TIE1: variants seen among roughly 807,000 people sequenced by gnomAD.
TIE1 encodes tyrosine-protein kinase receptor Tie-1.
Under a neutral mutation model 130.5 loss-of-function variants are expected in TIE1, and 89 were observed. The observed-to-expected ratio is 0.68, with a 90% CI of 0.57 to 0.81. The LOEUF (loss-of-function observed/expected upper bound fraction) is 0.81. TIE1 is among the 40% of genes least tolerant of loss of function. The pLI is 0.00. For missense variants in TIE1, 1,392 were observed against 1,559.8 expected, an observed-to-expected ratio of 0.89 and a Z score of 1.81; for synonymous variants, 568 against 629.4, an observed-to-expected ratio of 0.90 and a Z score of 1.46.
chr1:43,305,447 C>T, intron 3 of TIE1, 104 bp downstream of exon 3: 2 of 1,083,792 alleles, frequency 1.8e-6, no homozygotes, highest in Non-Finnish European at 2.6e-6. Flanking sequence ...CTGACACACC[C>T]GACCTCCAGG....
intron 19 of TIE1, chr1:43,320,145 C>T (rs1646899448): frequency 6.3e-6 from 1 of 157,956 alleles, no homozygotes; most frequent in Non-Finnish European, 1.4e-5. Context: ...CCTTTGAACT[C>T]TCTCCCCTGG....
At chr1:43,310,335 A>G (rs1646776791) in intron 9 of TIE1, among the ~76,000 whole-genome samples, 1 of 152,028 alleles carries the variant, frequency 6.6e-6, no homozygotes, top group South Asian at 2.1e-4. Flanking sequence ...CTCTCTCCAC[A>G]AATTCCTTGC....
chr1:43,321,071 T>C (rs569819343), intron 19 of TIE1, among the ~76,000 whole-genome samples, 198 bp from the exon 20 acceptor site: 3 of 146,220 alleles, frequency 2.1e-5, no homozygotes, highest in African/African-American at 5.0e-5. Context: ...AAAAGAGCTC[T>C]AATTGTGCTG....
Position 43,309,059 on chromosome 1 carries a change from T to C in TIE1, c.1116T>C (p.Cys372=), listed in dbSNP as rs1299809499. 3 of 1,613,878 alleles carry C rather than the reference T, an allele frequency of 1.9e-6. No homozygotes were observed. The highest frequency in any genetic ancestry group is 2.7e-5 in the African/African-American group (2 of 74,886). ...FNLETMPRIN[C]AAAGNPFPVR... ...TAGAGACGATGCCCCGGATCAACTG[T>C]GCAGCTGCAGGGAACCCCTTCCCCG... is the stretch of plus-strand genomic sequence containing the variant. The change falls in exon 8 of 23, where the codon TGT becomes TGC. Residue 372 remains cysteine, a synonymous_variant. Transcript: ENST00000372476. The surrounding 1 kb of genome is among the most constrained non-coding windows in gnomAD (Gnocchi z 6.3).
chr1:43,305,181 G>C lies in TIE1; in HGVS notation c.373+16G>C. 6.2e-7 allele frequency: 1 copy of C among 1,613,914 alleles called. No individual in the cohort carries two copies. On this transcript the variant is annotated intron_variant, in intron 2 of 22. Transcript: ENST00000372476. ...AGCCCTGGAGGTGAGTTAGGCAGGC[G>C]GGGGGATGGCGCGGGGAAAACCAGG... is the stretch of plus-strand genomic sequence containing the variant.
chr1:43,310,501 G>A (rs1275871581), intron 9 of TIE1, among the ~76,000 whole-genome samples: 1 of 152,198 alleles, frequency 6.6e-6, no homozygotes, highest in Non-Finnish European at 1.5e-5. Flanking sequence ...TGTGCTCAAT[G>A]TATGTCGATA....
Position 43,312,020 on chromosome 1 carries a change from A to G in TIE1, c.1519A>G (p.Met507Val). Reference protein sequence around the residue: ...VVDPSENVTLMNLRPKTGYSV... With the variant: ...VVDPSENVTLVNLRPKTGYSV... ...GGACCCCAGTGAGAACGTGACGTTA[A>G]TGAACCTGAGGCCAAAGACAGGATA... is the stretch of plus-strand genomic sequence containing the variant. The change falls in exon 11 of 23, where the codon ATG becomes GTG. Residue 507 changes from methionine to valine, a missense_variant. Physicochemically the swap from Met to Val is conservative, Grantham distance 21 (BLOSUM62 1). Transcript: ENST00000372476. The surrounding 1 kb of genome is among the most constrained non-coding windows in gnomAD (Gnocchi z 5.6). 6.2e-7 allele frequency: 1 copy of G among 1,601,722 alleles called. No homozygotes were observed.
chr1:43,304,390 C>G (rs550598947), intron 1 of TIE1, among the ~76,000 whole-genome samples: 1 of 152,310 alleles, frequency 6.6e-6, no homozygotes, highest in Non-Finnish European at 1.5e-5. Flanking sequence ...CCTGCACTCT[C>G]GTGGTGGAGG....
In TIE1 at chr1:43,312,292, C is replaced by T. The variant is rs1250132667; in HGVS notation, c.1631-13C>T. On this transcript the variant is annotated splice_polypyrimidine_tract_variant and intron_variant, in intron 11 of 22. Coordinates refer to ENST00000372476, the MANE Select transcript of TIE1 (RefSeq NM_005424.5). The surrounding 1 kb of genome is among the most constrained non-coding windows in gnomAD (Gnocchi z 5.6). ...CCTACTGGACAGTTCTGACCCCTGA[C>T]CTCTGGCCCCAGAGCCTTTGTTGCA... 3.9e-6 allele frequency: 6 copies of T among 1,541,376 alleles called. No homozygotes were observed. The highest frequency in any genetic ancestry group is 2.3e-5 in the East Asian group (1 of 44,236).
At chr1:43,320,457 A>G (rs542825841) in intron 19 of TIE1, 1 of 152,394 alleles carries the variant, frequency 6.6e-6, no homozygotes, top group South Asian at 2.1e-4. Flanking sequence ...GGTGGCCCAC[A>G]TGTGTAATCC....
chr1:43,310,118 C>G (rs1384614006), intron 9 of TIE1, among the ~76,000 whole-genome samples: 1 of 152,132 alleles, frequency 6.6e-6, no homozygotes, highest in Non-Finnish European at 1.5e-5. Flanking sequence ...CCTGCCACCC[C>G]CTGACCCTGC....
At position 43,304,981 on chromosome 1, in the gene TIE1, G is replaced by A; in HGVS notation, c.189G>A (p.Leu63=). The A allele has an allele frequency of 1.3e-6, 2 of 1,484,670 alleles. No homozygotes were observed. The highest frequency in any genetic ancestry group is 1.8e-6 in the Non-Finnish European group (2 of 1,118,666). 92.0% of individuals were successfully genotyped at this position (1,484,670 alleles called of 1,614,324 possible). Residue 63 remains leucine, a synonymous_variant, in exon 2 of 23, where the codon CTG becomes CTA. Transcript: ENST00000372476. The part of the protein sequence containing the change: ...GSDAWGPPLL[L]EKDDRIVRTP... ...ACGCCTGGGGCCCGCCCCTGCTGCT[G>A]GAGAAGGACGACCGTATCGTGCGCA...
rs867840728 is a variant in TIE1, at chr1:43,307,708, G to T, written c.914-88G>T. 15 of 1,600,710 alleles carry T rather than the reference G, an allele frequency of 9.4e-6. No individual in the cohort carries two copies. The Middle Eastern group carries it at 2.5e-3, about 267-fold the overall frequency. On this transcript the variant is annotated intron_variant, in intron 6 of 22. Coordinates refer to ENST00000372476, the MANE Select transcript of TIE1 (RefSeq NM_005424.5). This position sits in a 1 kb window ranked among gnomAD's most constrained non-coding sequence, Gnocchi z 5.4. ...CCAGTCCTTCTATCCTCAGCCTGTT[G>T]TATAACCTGTGCCCCATCTGCGCCC... is the stretch of plus-strand genomic sequence containing the variant.
In TIE1 at chr1:43,309,746, G is replaced by A. The variant is rs974121469; in HGVS notation, c.1333+214G>A. On this transcript the variant is annotated intron_variant, in intron 9 of 22. Coordinates refer to ENST00000372476, the MANE Select transcript of TIE1 (RefSeq NM_005424.5). This position sits in a 1 kb window ranked among gnomAD's most constrained non-coding sequence, Gnocchi z 6.3. ...TAGACCCATCTGGAAAGGACATCCC[G>A]TGCCCCAGAAACTGGGGACACTCTC... is the stretch of plus-strand genomic sequence containing the variant. Among the ~76,000 whole-genome samples the A allele has an allele frequency of 8.5e-5, 13 of 152,092 alleles. No individual in the cohort carries two copies. Among genetic ancestry groups the A allele is most frequent in the Admixed American group, 7.2e-4 (11 of 15,272 alleles).
At chr1:43,320,194 T>G (rs898643632) in intron 19 of TIE1, 4 of 152,974 alleles carry the variant, frequency 2.6e-5, no homozygotes, top group African/African-American at 9.7e-5. Context: ...GCTGTTAAAG[T>G]GTGAGATGCA....
In TIE1 at chr1:43,311,596, C is replaced by T. The variant is rs186009257; in HGVS notation, c.1334-75C>T. 470 of 1,532,590 alleles carry T rather than the reference C, an allele frequency of 3.1e-4. 3 individuals are homozygous for T. The East Asian group carries it at 9.6e-3, about 31-fold the overall frequency. 94.9% of individuals were successfully genotyped at this position (1,532,590 alleles called of 1,614,324 possible). On this transcript the variant is annotated intron_variant, in intron 9 of 22. Coordinates refer to ENST00000372476, the MANE Select transcript of TIE1 (RefSeq NM_005424.5). ...TGGTGTCCCTCAAGCCCAGAGGGTCCCCAGCTTGAAACAAAGATGCAGAAG... is the reference window on the plus strand; with the variant it reads ...TGGTGTCCCTCAAGCCCAGAGGGTCTCCAGCTTGAAACAAAGATGCAGAAG...
In TIE1 at chr1:43,313,727, G is replaced by A. The variant is rs1646828907; in HGVS notation, c.2219-51G>A. ...TCTGTGTAACCCCATGGTGGCCTCTGGGTTCCCTGACCCAGGTGTCCCCAC... is the reference window on the plus strand; with the variant it reads ...TCTGTGTAACCCCATGGTGGCCTCTAGGTTCCCTGACCCAGGTGTCCCCAC... On this transcript the variant is annotated intron_variant, in intron 13 of 22. Coordinates refer to ENST00000372476, the MANE Select transcript of TIE1 (RefSeq NM_005424.5). This position sits in a 1 kb window ranked among gnomAD's most constrained non-coding sequence, Gnocchi z 6.2. 1 of 1,552,060 alleles carries A rather than the reference G, an allele frequency of 6.4e-7. No individual in the cohort carries two copies. The highest frequency in any genetic ancestry group is 1.4e-5 in the African/African-American group (1 of 73,570).
Position 43,317,843 on chromosome 1 carries a change from T to C in TIE1, c.2732-39T>C, listed in dbSNP as rs1290960704. ...GTGCCTGCTCCCACCCTAGGTTGCC[T>C]GTGTCTAAATCACCACTGTCTGTCT... On this transcript the variant is annotated intron_variant, in intron 16 of 22. Transcript: ENST00000372476. This position sits in a 1 kb window ranked among gnomAD's most constrained non-coding sequence, Gnocchi z 5.1. 1.2e-6 allele frequency: 2 copies of C among 1,608,292 alleles called. No individual in the cohort carries two copies. The highest frequency in any genetic ancestry group is 2.2e-5 in the East Asian group (1 of 44,830).
rs1646860810 is a variant in TIE1, at chr1:43,316,637, G to A, written c.2410-562G>A. 6.6e-6 allele frequency among the ~76,000 whole-genome samples: 1 copy of A among 152,126 alleles called. No homozygotes were observed. The highest frequency in any genetic ancestry group is 6.5e-5 in the Admixed American group (1 of 15,268). On this transcript the variant is annotated intron_variant, in intron 14 of 22. Coordinates refer to ENST00000372476, the MANE Select transcript of TIE1 (RefSeq NM_005424.5). The surrounding 1 kb of genome is among the most constrained non-coding windows in gnomAD (Gnocchi z 4.4). ...CAGGGTAATCTCTGCTTCTGCTACT[G>A]TGGAGAAAACCCCTCCACTGGCTCC...
Sources: gnomAD v4.1 joint callset for allele counts (sites outside exome capture counted in the v4.1 genomes callset) on GRCh38, gnomAD v4.1.1 for gene constraint, Gnocchi (gnomAD v3.1) non-coding constraint, MANE v1.5 for transcripts, NCBI Gene and HGNC (gene_info 2026-07-23, HGNC 2026-07-21) for gene names.